Variants in FNDC3A observed in about 807,000 individuals in gnomAD.
The protein encoded by FNDC3A is fibronectin type III domain containing 3A.
In FNDC3A, 32 loss-of-function variants were observed where a neutral mutation model predicts 148.9. The ratio of observed to expected loss-of-function variants is 0.21; its 90% CI spans 0.16 to 0.29. FNDC3A has a LOEUF of 0.29. FNDC3A is among the 10% of genes least tolerant of loss of function. The pLI is 1.00. For missense variants in FNDC3A, 1,191 were observed against 1,452.8 expected, an observed-to-expected ratio of 0.82 and a Z score of 2.93; for synonymous variants, 472 against 473.6, an observed-to-expected ratio of 1.00 and a Z score of 0.04.
chr13:49,195,300 T>A (rs1886093160), intron 19 of FNDC3A, among the ~76,000 whole-genome samples: 1 of 152,184 alleles, frequency 6.6e-6, no homozygotes, highest in Non-Finnish European at 1.5e-5. Context: ...TACTTTTTTA[T>A]AAAACAGTTA....
chr13:49,047,388 T>C (rs1050862696), intron 2 of FNDC3A, among the ~76,000 whole-genome samples: 2 of 152,162 alleles, frequency 1.3e-5, no homozygotes, highest in African/African-American at 4.8e-5. Flanking sequence ...CTTTAGGGGA[T>C]CTCCATGCTG....
intron 3 of FNDC3A, among the ~76,000 whole-genome samples, chr13:49,091,000 G>A (rs560748865): frequency 6.6e-6 from 1 of 152,098 alleles, no homozygotes; most frequent in African/African-American, 2.4e-5. Context: ...TCTCAAATCT[G>A]CTTTTACAGG....
rs1219142951 is a variant in FNDC3A at position 49,208,919 on chromosome 13, T to C, written c.*1524T>C. On this transcript the variant is annotated 3_prime_UTR_variant, in exon 26 of 26. Coordinates refer to ENST00000492622, the MANE Select transcript of FNDC3A (RefSeq NM_001079673.2). ...GATCTCTGAAGAATTTCTTTTATAA[T>C]AGAATGGGCATGTATTGTAACAGTT... is the stretch of plus-strand genomic sequence containing the variant. 6.6e-6 allele frequency: 1 copy of C among 152,612 alleles called. No homozygotes were observed. The highest frequency in any genetic ancestry group is 1.5e-5 in the Non-Finnish European group (1 of 68,018). 9.5% of individuals were successfully genotyped at this position (152,612 alleles called of 1,614,324 possible). A position where few individuals can be genotyped will look rare whatever the true frequency, so the allele number is the denominator to read the frequency against.
Position 49,193,818 on chromosome 13 carries a change from G to T in FNDC3A, c.2226+2434G>T, listed in dbSNP as rs577502035. Among the ~76,000 whole-genome samples, 14 of 152,136 alleles carry T rather than the reference G, an allele frequency of 9.2e-5. No individual in the cohort carries two copies. In the East Asian group the frequency reaches 1.7e-3, roughly 19 times the overall value. On this transcript the variant is annotated intron_variant, in intron 19 of 25. Transcript: ENST00000492622. ...GCCTGTAATCCCAGCTGCTCTGGAG[G>T]CTGAGGCAGGAAAATCACTTGAACC...
chr13:49,092,213 C>G (rs916304067), intron 3 of FNDC3A, among the ~76,000 whole-genome samples: 4 of 152,204 alleles, frequency 2.6e-5, no homozygotes, highest in African/African-American at 7.2e-5. Context: ...AGAGCTTTCT[C>G]CTGTTCTGGA....
At chr13:49,030,398 A>C (rs3012120) in intron 2 of FNDC3A, among the ~76,000 whole-genome samples, 150,775 of 152,246 alleles carry the variant, frequency 0.99, 74,675 homozygotes, top group Middle Eastern at 1. Flanking sequence ...TGCAAAAAAA[A>C]CACAATTAAC....
chr13:49,053,152 C>G (rs556371784), intron 2 of FNDC3A, among the ~76,000 whole-genome samples: 2 of 152,280 alleles, frequency 1.3e-5, no homozygotes, highest in South Asian at 4.1e-4. Flanking sequence ...CATGAGCCTC[C>G]CCATTCAGAA....
At chr13:49,140,079 T>G (rs1882603787) in intron 7 of FNDC3A, among the ~76,000 whole-genome samples, 1 of 152,198 alleles carries the variant, frequency 6.6e-6, no homozygotes, top group Non-Finnish European at 1.5e-5. Flanking sequence ...GCTCACACTT[T>G]CCCAGTCCTT....
intron 2 of FNDC3A, among the ~76,000 whole-genome samples, chr13:49,025,572 CTT>C (rs762728589): frequency 6.6e-6 from 1 of 152,026 alleles, no homozygotes; most frequent in African/African-American, 2.4e-5. Flanking sequence ...AGCTGGTAAA[CTT>C]AACTGATACA....
At chr13:48,983,975 TAGC>T (rs1951743100) in intron 1 of FNDC3A, among the ~76,000 whole-genome samples, 1 of 151,888 alleles carries the variant, frequency 6.6e-6, no homozygotes, top group South Asian at 2.1e-4. Context: ...CAAATACAAA[TAGC>T]AAAAAAATAT....
Position 49,029,965 on chromosome 13 carries a change from A to G in FNDC3A, c.99+23676A>G, listed in dbSNP as rs182116450. Among the ~76,000 whole-genome samples the G allele has an allele frequency of 9.6e-4, 146 of 152,338 alleles. 1 individual carries two copies. Among genetic ancestry groups the G allele is most frequent in the African/African-American group, 3.4e-3 (140 of 41,584 alleles). On this transcript the variant is annotated intron_variant, in intron 2 of 25. Coordinates refer to ENST00000492622, the MANE Select transcript of FNDC3A (RefSeq NM_001079673.2). ...CAAGTAAAGAGATTAAATTGGTACCACAAAGAAAAACTGTCACCAAGGTAA... is the reference window on the plus strand; with the variant it reads ...CAAGTAAAGAGATTAAATTGGTACCGCAAAGAAAAACTGTCACCAAGGTAA...
intron 3 of FNDC3A, among the ~76,000 whole-genome samples, chr13:49,086,411 G>GT (rs1794897480): frequency 6.6e-6 from 1 of 152,118 alleles, no homozygotes; most frequent in Admixed American, 6.6e-5. Flanking sequence ...GATTCTACAA[G>GT]TTTCTACCAG....
chr13:49,114,640 A>G lies in FNDC3A; in HGVS notation c.176-15A>G, dbSNP rs1880812112. 1 of 1,585,334 alleles carries G rather than the reference A, an allele frequency of 6.3e-7. No homozygotes were observed. Among genetic ancestry groups the G allele is most frequent in the South Asian group, 1.1e-5 (1 of 90,426 alleles). On this transcript the variant is annotated splice_polypyrimidine_tract_variant and intron_variant, in intron 3 of 25. Coordinates refer to ENST00000492622, the MANE Select transcript of FNDC3A (RefSeq NM_001079673.2). The stretch of plus-strand genomic sequence containing the variant: ...GCAATCATGGGTTAATACATCATTT[A>G]TGTGACCCATTCAGGTCCTGCTCAG...
intron 2 of FNDC3A, among the ~76,000 whole-genome samples, chr13:49,024,260 G>A (rs1309103961): frequency 6.6e-6 from 1 of 151,944 alleles, no homozygotes; most frequent in Non-Finnish European, 1.5e-5. Context: ...AAAAGTCCAG[G>A]ACCAGATGGC....
chr13:49,096,920 A>G (rs1879561513), intron 3 of FNDC3A, among the ~76,000 whole-genome samples: 1 of 152,082 alleles, frequency 6.6e-6, no homozygotes, highest in Admixed American at 6.6e-5. Context: ...ATAAATAGAA[A>G]AGTATCTTCG....
chr13:49,101,051 G>C (rs1879828301), intron 3 of FNDC3A, among the ~76,000 whole-genome samples: 1 of 152,150 alleles, frequency 6.6e-6, no homozygotes, highest in Non-Finnish European at 1.5e-5. Flanking sequence ...CTCTGAACGG[G>C]ATAAGAGGTA....
chr13:49,137,998 G>A (rs1566276522), intron 6 of FNDC3A, among the ~76,000 whole-genome samples: 1 of 152,116 alleles, frequency 6.6e-6, no homozygotes, highest in African/African-American at 2.4e-5. Context: ...ATCAGTCCTT[G>A]AATATGCTTA....
At chr13:49,156,698 T>A (rs1046691264) in intron 8 of FNDC3A, among the ~76,000 whole-genome samples, 1 of 150,894 alleles carries the variant, frequency 6.6e-6, no homozygotes, top group African/African-American at 2.4e-5. Context: ...CTTCAGAAGC[T>A]CTTTTAGGGC....
intron 3 of FNDC3A, among the ~76,000 whole-genome samples, chr13:49,093,206 G>A (rs1018902746): frequency 2.0e-5 from 3 of 152,010 alleles, no homozygotes; most frequent in Non-Finnish European, 4.4e-5. Context: ...ATTCCCCTCC[G>A]CTCTCCTCCC....
Sources: allele counts gnomAD v4.1 joint callset (sites outside exome capture counted in the v4.1 genomes callset), GRCh38; gene constraint gnomAD v4.1.1; transcripts MANE v1.5; gene names NCBI Gene and HGNC (gene_info 2026-07-23, HGNC 2026-07-21).